The following CRLF2 variants were observed in gnomAD, a reference collection of about 807,000 sequenced individuals.
CRLF2 encodes the protein cytokine receptor like factor 2.
A neutral mutation model predicts 38.7 loss-of-function variants in CRLF2; 41 were observed. The ratio of observed to expected loss-of-function variants is 1.06; its 90% CI spans 0.83 to 1.37. The LOEUF is 1.37. CRLF2 is among the 40% of genes most tolerant of loss of function. The pLI is 0.00. For synonymous variants in CRLF2, 140 were observed against 128.8 expected (o/e 1.09, Z -0.59); for missense variants, 377 against 322.2 (o/e 1.17, Z -1.30).
rs188231898 is a variant in CRLF2, at chrX:1,197,282, G to T, written c.647-382C>A. Among the ~76,000 whole-genome samples, 228 of 139,808 alleles carry T rather than the reference G, an allele frequency of 1.6e-3. 3 individuals carry two copies. Among genetic ancestry groups the T allele is most frequent in the African/African-American group, 5.8e-3 (220 of 37,956 alleles). 91.7% of individuals were successfully genotyped at this position (139,808 alleles called of 152,430 possible). On this transcript the variant is annotated intron_variant, in intron 5 of 7. Coordinates refer to ENST00000400841, the MANE Select transcript of CRLF2 (RefSeq NM_022148.4). ...TAATTTTTGTATTTTTAGTAGAGAT[G>T]GACCTATTTTTTTTTTTTAATGAAT...
chrX:1,211,893 GTGGA>G (rs202035952), intron 1 of CRLF2, among the ~76,000 whole-genome samples: 2 of 57,794 alleles, frequency 3.5e-5, no homozygotes, highest in African/African-American at 2.7e-4. Flanking sequence ...GGGTGGATGG[GTGGA>G]TGGATGGATG....
intron 2 of CRLF2, among the ~76,000 whole-genome samples, chrX:1,207,076 G>T (rs2086703851): frequency 6.6e-6 from 1 of 150,840 alleles, no homozygotes; most frequent in African/African-American, 2.4e-5. Context: ...CTCCTGAGTA[G>T]CTGGGATTAC....
At position 1,190,895 on chromosome X, in the gene CRLF2, C is replaced by T; in HGVS notation, c.*2G>A. The T allele has an allele frequency of 2.5e-6, 1 of 398,674 alleles. No individual in the cohort carries two copies. Among genetic ancestry groups the T allele is most frequent in the East Asian group, 3.6e-5 (1 of 28,084 alleles). The allele number at this position is 398,674 out of a possible 1,614,324, so 24.7% of individuals were successfully genotyped here. On this transcript the variant is annotated 3_prime_UTR_variant, in exon 8 of 8. Transcript: ENST00000400841. ...ACGTTGACTTTGACAGTGGTGTGTC[C>T]ATCACAACGCCACGTAGGAGCGGTC...
chrX:1,193,176 G>T (rs1209230432), intron 7 of CRLF2, 42 bp downstream of exon 7: 1 of 398,490 alleles, frequency 2.5e-6, no homozygotes, highest in Non-Finnish European at 4.4e-6. Flanking sequence ...AGGGGCACCT[G>T]CTTGGTGGAG....
At chrX:1,200,577 G>GTA in intron 4 of CRLF2, among the ~76,000 whole-genome samples, 1 of 108,866 alleles carries the variant, frequency 9.2e-6, no homozygotes, top group Non-Finnish European at 2.0e-5. Context: ...TAAGCTGTGT[G>GTA]TGTGTATATA....
intron 6 of CRLF2, 98 bp downstream of exon 6, chrX:1,196,682 A>G: frequency 6.9e-7 from 1 of 1,454,302 alleles, no homozygotes; most frequent in African/African-American, 1.4e-5. Flanking sequence ...ACTGAGGCCC[A>G]GGGAAATGAC....
chrX:1,192,197 T>C, intron 7 of CRLF2, among the ~76,000 whole-genome samples: 2 of 99,380 alleles, frequency 2.0e-5, no homozygotes, highest in Non-Finnish European at 1.9e-5. Flanking sequence ...AGAGCGAGAC[T>C]CCGTCTCAAA....
At chrX:1,194,818 G>C (rs1346138676) in intron 6 of CRLF2, among the ~76,000 whole-genome samples, 1 of 152,052 alleles carries the variant, frequency 6.6e-6, no homozygotes, top group Non-Finnish European at 1.5e-5. Flanking sequence ...GATCTCCTGA[G>C]GTCAGGAGTT....
chrX:1,191,361 C>CTTTCCTTTCTTTCTTTCTTTCTTTCTTT (rs1230620683), intron 7 of CRLF2, among the ~76,000 whole-genome samples: 8 of 73,166 alleles, frequency 1.1e-4, no homozygotes, highest in African/African-American at 4.2e-4. Context: ...TTCTTTCTTT[C>CTTTCCTTTCTTTCTTTCTTTCTTTCTTT]CTTTCTTTCT....
At chrX:1,212,441 A>AGAAAGAAACCTCCATGATC in intron 1 of CRLF2, 115 bp downstream of exon 1, 1 of 663,724 alleles carries the variant, frequency 1.5e-6, no homozygotes, top group African/African-American at 1.9e-5. Context: ...AAAAAAAAGA[A>AGAAAGAAACCTCCATGATC]AAGAAGAAAG....
At chrX:1,207,757 C>T (rs186349708) in intron 2 of CRLF2, among the ~76,000 whole-genome samples, 43 of 151,890 alleles carry the variant, frequency 2.8e-4, no homozygotes, top group African/African-American at 9.7e-4. Flanking sequence ...TGAAGCGATT[C>T]TCTTGCCTCA....
chrX:1,199,374 G>A (rs1263410229), intron 4 of CRLF2, among the ~76,000 whole-genome samples: 5 of 151,750 alleles, frequency 3.3e-5, no homozygotes, highest in South Asian at 2.1e-4. Context: ...GTGCGGTCTC[G>A]GCTCACTGCA....
intron 1 of CRLF2, among the ~76,000 whole-genome samples, chrX:1,212,288 C>T (rs2086816834): frequency 6.6e-6 from 1 of 151,652 alleles, no homozygotes; most frequent in East Asian, 1.9e-4. Flanking sequence ...CTAGTTCTGG[C>T]CACCGAAAGC....
At chrX:1,211,353 ATGGG>A (rs1367311628) in intron 1 of CRLF2, among the ~76,000 whole-genome samples, 12 of 112,538 alleles carry the variant, frequency 1.1e-4, no homozygotes, top group African/African-American at 2.2e-4. Flanking sequence ...GGATGGGTGG[ATGGG>A]TGGATGGATG....
intron 6 of CRLF2, among the ~76,000 whole-genome samples, chrX:1,196,258 G>A (rs1298100780): frequency 1.4e-5 from 2 of 145,420 alleles, no homozygotes; most frequent in Admixed American, 1.4e-4. Context: ...CGCAATCTCC[G>A]CTCACAGCAA....
chrX:1,197,706 T>C (rs374923151), intron 5 of CRLF2, among the ~76,000 whole-genome samples: 3 of 151,736 alleles, frequency 2.0e-5, no homozygotes, highest in Admixed American at 6.6e-5. Context: ...CCCAGCTACT[T>C]GGGAGGCTGA....
chrX:1,203,256 G>T (rs2086640154), intron 3 of CRLF2, among the ~76,000 whole-genome samples: 1 of 152,118 alleles, frequency 6.6e-6, no homozygotes, highest in Non-Finnish European at 1.5e-5. Flanking sequence ...TGCAGACACA[G>T]AGGAGGAGGC....
chrX:1,195,952 T>G (rs1195598811), intron 6 of CRLF2, among the ~76,000 whole-genome samples: 15 of 141,962 alleles, frequency 1.1e-4, no homozygotes, highest in Non-Finnish European at 2.3e-4. Context: ...TATATATATT[T>G]TATATATAAA....
chrX:1,196,787 A>G lies in CRLF2; in HGVS notation c.760T>C (p.Leu254=). 4 of 1,613,076 alleles carry G rather than the reference A, an allele frequency of 2.5e-6. No homozygotes were observed. Among genetic ancestry groups the G allele is most frequent in the Non-Finnish European group, 3.4e-6 (4 of 1,179,466 alleles). ...VSLLLLSLWK[L]WRVKKFLIPS... is the part of the protein sequence containing the mutation. ...GGCAGGAGTCATCCTTACCTCCATA[A>G]TTTCCATAAAGACAGAAGGAGGAGA... Residue 254 remains leucine, a synonymous_variant, in exon 6 of 8, where the codon TTA becomes CTA. Coordinates refer to ENST00000400841, the MANE Select transcript of CRLF2 (RefSeq NM_022148.4).
Sources: allele counts gnomAD v4.1 joint callset (sites outside exome capture counted in the v4.1 genomes callset), GRCh38; gene constraint gnomAD v4.1.1; transcripts MANE v1.5; gene names NCBI Gene and HGNC (gene_info 2026-07-23, HGNC 2026-07-21).